The following MYT1L variants were observed in gnomAD, a reference collection of about 807,000 sequenced individuals.
MYT1L encodes myelin transcription factor 1 like.
In MYT1L, 12 loss-of-function variants were observed where a neutral mutation model predicts 126.7. The ratio of observed to expected loss-of-function variants is 0.09; its 90% CI spans 0.06 to 0.15. MYT1L has a LOEUF of 0.15. Ranked by LOEUF, MYT1L falls within the 10% of genes least tolerant of loss-of-function variation. The probability of loss-of-function intolerance (pLI) is 1.00; values close to 1 mark genes in which losing one functional copy is unlikely to be tolerated. For missense variants in MYT1L, 979 were observed against 1,585.2 expected, an observed-to-expected ratio of 0.62 and a Z score of 6.49; for synonymous variants, 541 against 604.2, an observed-to-expected ratio of 0.90 and a Z score of 1.53.
chr2:2,187,099 G>A (rs1365569347), intron 2 of MYT1L, among the ~76,000 whole-genome samples: 1 of 152,166 alleles, frequency 6.6e-6, no homozygotes, highest in African/African-American at 2.4e-5. Flanking sequence ...GGGTAAGCAG[G>A]TTGCAGGCAC....
At chr2:1,909,186 C>T (rs949313885) in intron 13 of MYT1L, among the ~76,000 whole-genome samples, 1 of 152,148 alleles carries the variant, frequency 6.6e-6, no homozygotes, top group Non-Finnish European at 1.5e-5. Context: ...GTGGTGCAAT[C>T]ACACAGCTCA....
chr2:2,002,974 C>T (rs531618543), intron 4 of MYT1L, among the ~76,000 whole-genome samples: 33 of 152,260 alleles, frequency 2.2e-4, no homozygotes, highest in Middle Eastern at 3.4e-3. Context: ...TATGTTAAAG[C>T]GTGAGTTGAT....
At chr2:2,279,332 C>A (rs1340549868) in intron 2 of MYT1L, among the ~76,000 whole-genome samples, 1 of 151,530 alleles carries the variant, frequency 6.6e-6, no homozygotes, top group Non-Finnish European at 1.5e-5. Context: ...GACAATAATG[C>A]CTTCTTACAT....
chr2:1,908,390 C>A (rs1435894035), intron 13 of MYT1L, among the ~76,000 whole-genome samples: 2 of 151,834 alleles, frequency 1.3e-5, no homozygotes, highest in African/African-American at 4.8e-5. Context: ...GTCAGTGCAG[C>A]CCCCGGGAGC....
Position 2,033,799 on chromosome 2 carries a change from C to T in MYT1L, c.-158+20179G>A, listed in dbSNP as rs186549687. Among the ~76,000 whole-genome samples the T allele has an allele frequency of 1.8e-3, 269 of 152,262 alleles. 1 individual carries two copies. The highest frequency in any genetic ancestry group is 5.9e-3 in the African/African-American group (247 of 41,542). On this transcript the variant is annotated intron_variant, in intron 4 of 24. Transcript: ENST00000647738. ...GACATGGTGCCTGGAGCAGCCCCAA[C>T]GGCCCCTGGGGACAGGATGGCACTG...
At chr2:2,208,949 T>A (rs2148887322) in intron 2 of MYT1L, among the ~76,000 whole-genome samples, 1 of 146,872 alleles carries the variant, frequency 6.8e-6, no homozygotes, top group Admixed American at 6.7e-5. Context: ...TCACTTTCCA[T>A]CATTTTTCAA....
intron 2 of MYT1L, among the ~76,000 whole-genome samples, chr2:2,182,544 A>T (rs1483949746): frequency 6.6e-6 from 1 of 152,142 alleles, no homozygotes; most frequent in Non-Finnish European, 1.5e-5. Flanking sequence ...TGTATTTCAC[A>T]AGGAAGAAAG....
At chr2:2,058,174 T>G (rs1489077948) in intron 3 of MYT1L, among the ~76,000 whole-genome samples, 2 of 152,238 alleles carry the variant, frequency 1.3e-5, no homozygotes, top group Non-Finnish European at 2.9e-5. Flanking sequence ...AACTGGCATT[T>G]GCCTAATAGT....
Position 2,141,166 on chromosome 2 carries a change from A to G in MYT1L, c.-304+31706T>C, listed in dbSNP as rs143179920. Among the ~76,000 whole-genome samples the G allele has an allele frequency of 1.5e-4, 23 of 152,296 alleles. 2 individuals carry two copies. Among genetic ancestry groups the G allele is most frequent in the African/African-American group, 4.1e-4 (17 of 41,578 alleles). On this transcript the variant is annotated intron_variant, in intron 3 of 24. Transcript: ENST00000647738. ...ACTACTGTTTGTTTTTATTAAATTG[A>G]TATCTTTTTATTCATTCCTTCTGTA...
intron 2 of MYT1L, among the ~76,000 whole-genome samples, chr2:2,195,820 T>C (rs138826787): frequency 1.2e-3 from 179 of 152,088 alleles, no homozygotes; most frequent in South Asian, 0.011. Context: ...ATTAGTGAAC[T>C]GGAAAATGGG....
chr2:2,018,830 C>G (rs987474319), intron 4 of MYT1L, among the ~76,000 whole-genome samples: 1 of 152,132 alleles, frequency 6.6e-6, no homozygotes, highest in Non-Finnish European at 1.5e-5. Context: ...CTCAACACCA[C>G]CTACATTTCG....
chr2:1,807,678 T>A (rs2035928951), intron 22 of MYT1L, among the ~76,000 whole-genome samples: 1 of 152,160 alleles, frequency 6.6e-6, no homozygotes, highest in South Asian at 2.1e-4. Flanking sequence ...GGCTACAGGT[T>A]ACAGCTGATC....
At chr2:2,096,032 G>A (rs1376620980) in intron 3 of MYT1L, among the ~76,000 whole-genome samples, 2 of 152,154 alleles carry the variant, frequency 1.3e-5, no homozygotes, top group African/African-American at 4.8e-5. Flanking sequence ...CATGGTTCAC[G>A]CATGCTTAAT....
chr2:1,946,777 C>A (rs963312480), intron 8 of MYT1L, among the ~76,000 whole-genome samples: 1 of 152,258 alleles, frequency 6.6e-6, no homozygotes, highest in East Asian at 1.9e-4. Context: ...AGGGGATAAT[C>A]TGAGATAATA....
At chr2:2,263,806 G>A (rs546836456) in intron 2 of MYT1L, among the ~76,000 whole-genome samples, 18 of 152,264 alleles carry the variant, frequency 1.2e-4, no homozygotes, top group East Asian at 3.9e-4. Flanking sequence ...TTTGCTGGAC[G>A]TCAAGCATGA....
In MYT1L at chr2:2,279,637, C is replaced by A. The variant is rs189508270; in HGVS notation, c.-421+4767G>T. On this transcript the variant is annotated intron_variant, in intron 2 of 24. Transcript: ENST00000647738. ...TCAAGATTATCCCTCAAATGTCAAC[C>A]AACACCTGTTCCATGCCCAGGTTGC... Among the ~76,000 whole-genome samples, 32 of 151,116 alleles carry A rather than the reference C, an allele frequency of 2.1e-4. No homozygotes were observed. The East Asian group carries it at 6.2e-3, about 29-fold the overall frequency.
intron 4 of MYT1L, among the ~76,000 whole-genome samples, chr2:2,016,632 T>C (rs560720268): frequency 2.4e-4 from 37 of 152,206 alleles, no homozygotes; most frequent in South Asian, 1.4e-3. Flanking sequence ...GGGAAACATA[T>C]GTGAAAGAAG....
At chr2:1,949,995 C>T (rs2057597551) in intron 8 of MYT1L, among the ~76,000 whole-genome samples, 1 of 152,126 alleles carries the variant, frequency 6.6e-6, no homozygotes, top group Non-Finnish European at 1.5e-5. Flanking sequence ...TTTCAACCAG[C>T]TCAGTTAATA....
At chr2:2,027,960 T>C (rs769769209) in intron 4 of MYT1L, among the ~76,000 whole-genome samples, 1 of 152,238 alleles carries the variant, frequency 6.6e-6, no homozygotes, top group Non-Finnish European at 1.5e-5. Flanking sequence ...ACTGTGTTAT[T>C]ATTGTTTCTG....
Sources: gnomAD v4.1 joint callset for allele counts (sites outside exome capture counted in the v4.1 genomes callset) on GRCh38, gnomAD v4.1.1 for gene constraint, MANE v1.5 for transcripts, NCBI Gene and HGNC (gene_info 2026-07-23, HGNC 2026-07-21) for gene names.